The following FAM135A variants were observed in gnomAD, a reference collection of about 807,000 sequenced individuals.
FAM135A encodes protein FAM135A.
A neutral mutation model predicts 146.8 loss-of-function variants in FAM135A; 79 were observed. The observed-to-expected ratio is 0.54, with a 90% CI of 0.45 to 0.65. FAM135A has a LOEUF of 0.65. Ranked by LOEUF, FAM135A falls within the 30% of genes least tolerant of loss-of-function variation. The pLI is 0.00. For missense variants in FAM135A, 1,623 were observed against 1,758.2 expected, an observed-to-expected ratio of 0.92 and a Z score of 1.38; for synonymous variants, 562 against 603.6, an observed-to-expected ratio of 0.93 and a Z score of 1.01.
At chr6:70,468,042 G>A (rs554488164) in intron 5 of FAM135A, among the ~76,000 whole-genome samples, 2 of 152,106 alleles carry the variant, frequency 1.3e-5, no homozygotes, top group African/African-American at 2.4e-5. Flanking sequence ...ATTTTAGGGC[G>A]ATGGTGAGCC....
intron 4 of FAM135A, among the ~76,000 whole-genome samples, chr6:70,448,952 G>T (rs1776428541): frequency 6.6e-6 from 1 of 152,296 alleles, no homozygotes; most frequent in African/African-American, 2.4e-5. Context: ...TCCAGCCTGG[G>T]TGTTATGGCC....
intron 16 of FAM135A, among the ~76,000 whole-genome samples, chr6:70,530,349 C>G (rs995245132): frequency 2.0e-5 from 3 of 151,850 alleles, no homozygotes; most frequent in Admixed American, 6.6e-5. Flanking sequence ...TATTTCGAGC[C>G]TATAGAAAAC....
chr6:70,481,086 A>G (rs1783620472), intron 9 of FAM135A, 59 bp downstream of exon 9: 1 of 1,396,146 alleles, frequency 7.2e-7, no homozygotes. Context: ...GTTTTTAACA[A>G]TTTTATCTGT....
intron 4 of FAM135A, among the ~76,000 whole-genome samples, chr6:70,429,457 G>A (rs1261789543): frequency 6.6e-6 from 1 of 151,844 alleles, no homozygotes; most frequent in Non-Finnish European, 1.5e-5. Context: ...AGTTTGCAGT[G>A]AGCCGAGATT....
At chr6:70,464,085 G>C (rs1779922041) in intron 5 of FAM135A, among the ~76,000 whole-genome samples, 1 of 152,156 alleles carries the variant, frequency 6.6e-6, no homozygotes, top group Non-Finnish European at 1.5e-5. Flanking sequence ...GTAGTTGAGA[G>C]ACTTAATAAA....
intron 5 of FAM135A, among the ~76,000 whole-genome samples, chr6:70,468,806 G>T (rs1562475227): frequency 6.6e-6 from 1 of 152,150 alleles, no homozygotes; most frequent in Non-Finnish European, 1.5e-5. Flanking sequence ...ATATGCCTAT[G>T]CTCGTATATT....
In FAM135A at chr6:70,478,314, TGTA is replaced by T. The variant is rs1677577450; in HGVS notation, c.542+986_542+988del. Among the ~76,000 whole-genome samples the T allele has an allele frequency of 2.6e-5, 4 of 152,196 alleles. No homozygotes were observed. In the South Asian group the frequency reaches 8.3e-4, roughly 31 times the overall value. Reference sequence around the variant, plus strand: ...TCTTCAGTTTTTACAACATCATCCTTGTAGTATGGGCAGCAGATGGATGCTTCA... The same window carrying T: ...TCTTCAGTTTTTACAACATCATCCTTGTATGGGCAGCAGATGGATGCTTCA... On this transcript the variant is annotated intron_variant, in intron 8 of 21. Transcript: ENST00000418814.
At chr6:70,455,639 A>G (rs1203011788) in intron 5 of FAM135A, among the ~76,000 whole-genome samples, 4 of 152,290 alleles carry the variant, frequency 2.6e-5, no homozygotes, top group Admixed American at 6.5e-5. Flanking sequence ...CCTTGAATCT[A>G]GTAGACTAGA....
chr6:70,507,178 A>C (rs1031757249), intron 12 of FAM135A, among the ~76,000 whole-genome samples: 2 of 152,170 alleles, frequency 1.3e-5, no homozygotes, highest in Admixed American at 1.3e-4. Context: ...TAATAAAGAC[A>C]AAATAAGAAA....
At position 70,479,710 on chromosome 6, in the gene FAM135A, A is replaced by G. The variant is rs146134190; in HGVS notation, c.543-1191A>G. ...TTATTGGTGGGTTTTTTTATCCTCC[A>G]ATCATTGAAAAATTTTTAATTTATA... On this transcript the variant is annotated intron_variant, in intron 8 of 21. Coordinates refer to ENST00000418814, the MANE Select transcript of FAM135A (RefSeq NM_001162529.3). Among the ~76,000 whole-genome samples the G allele has an allele frequency of 2.7e-3, 407 of 152,244 alleles. 3 individuals carry two copies. Among genetic ancestry groups the G allele is most frequent in the African/African-American group, 9.0e-3 (374 of 41,568 alleles).
chr6:70,465,587 C>G (rs1266341711), intron 5 of FAM135A, among the ~76,000 whole-genome samples: 1 of 151,970 alleles, frequency 6.6e-6, no homozygotes, highest in Non-Finnish European at 1.5e-5. Flanking sequence ...ACTTTGTTGC[C>G]CAGGCTAATC....
Position 70,422,335 on chromosome 6 carries a change from C to T in FAM135A, c.-133-4104C>T, listed in dbSNP as rs546964571. ...GATCCCCTTTCACTCCAACAGTCCT[C>T]TGAATTTTTTTTCCCTTGCTCTCTT... is the stretch of plus-strand genomic sequence containing the variant. On this transcript the variant is annotated intron_variant, in intron 2 of 21. Coordinates refer to ENST00000418814, the MANE Select transcript of FAM135A (RefSeq NM_001162529.3). Among the ~76,000 whole-genome samples, 4 of 152,304 alleles carry T rather than the reference C, an allele frequency of 2.6e-5. No individual in the cohort carries two copies. The South Asian group carries it at 8.3e-4, about 32-fold the overall frequency.
intron 5 of FAM135A, among the ~76,000 whole-genome samples, chr6:70,471,779 A>T (rs905923925): frequency 6.6e-6 from 1 of 152,170 alleles, no homozygotes; most frequent in African/African-American, 2.4e-5. Context: ...AGTCATTGGT[A>T]ATATAAAAGT....
In FAM135A at chr6:70,486,307, T is replaced by G. The variant is rs180687505; in HGVS notation, c.823+4153T>G. 809 of 1,373,744 alleles carry G rather than the reference T, an allele frequency of 5.9e-4. 5 individuals carry two copies. The African/African-American group carries it at 0.011, about 18-fold the overall frequency. The allele number at this position is 1,373,744 out of a possible 1,614,324, so 85.1% of individuals were successfully genotyped here. ...AATTAAAAAGTATGAAATTTTGCTT[T>G]AAATTAGCATCAGATTTCATAAATG... On this transcript the variant is annotated intron_variant, in intron 10 of 21. Transcript: ENST00000418814.
At chr6:70,488,774 G>C (rs1361168558) in intron 10 of FAM135A, among the ~76,000 whole-genome samples, 1 of 152,012 alleles carries the variant, frequency 6.6e-6, no homozygotes, top group African/African-American at 2.4e-5. Context: ...TACATAGTTT[G>C]CAAGTTTCAT....
At chr6:70,455,563 A>G (rs1006535408) in intron 5 of FAM135A, among the ~76,000 whole-genome samples, 3 of 152,154 alleles carry the variant, frequency 2.0e-5, no homozygotes, top group African/African-American at 7.2e-5. Flanking sequence ...GTCTACTTTC[A>G]CGAAACATAG....
At chr6:70,448,893 C>T (rs1178297060) in intron 4 of FAM135A, among the ~76,000 whole-genome samples, 2 of 152,294 alleles carry the variant, frequency 1.3e-5, no homozygotes, top group East Asian at 3.9e-4. Context: ...GTTTTCTGCC[C>T]TGGGTGGGCC....
chr6:70,472,949 C>T (rs1458535452), intron 5 of FAM135A, among the ~76,000 whole-genome samples: 2 of 152,186 alleles, frequency 1.3e-5, no homozygotes, highest in Non-Finnish European at 2.9e-5. Context: ...AATTAAGGTG[C>T]TCTCTTCCCA....
intron 4 of FAM135A, among the ~76,000 whole-genome samples, chr6:70,436,011 C>T (rs9446250): frequency 0.076 from 11,532 of 151,982 alleles, 1,448 homozygotes; most frequent in African/African-American, 0.26. Flanking sequence ...TGGTGAAACC[C>T]TGTCTCTACT....
Sources: gnomAD v4.1 joint callset for allele counts (sites outside exome capture counted in the v4.1 genomes callset) on GRCh38, gnomAD v4.1.1 for gene constraint, MANE v1.5 for transcripts, NCBI Gene and HGNC (gene_info 2026-07-23, HGNC 2026-07-21) for gene names.